The following KLF8 variants were observed in gnomAD, a reference collection of about 807,000 sequenced individuals.
KLF8 encodes the protein KLF transcription factor 8, also known as Krueppel-like factor 8.
KLF8 carries 10 observed loss-of-function variants against 18.2 expected under a neutral mutation model. The observed-to-expected ratio is 0.55, with a 90% CI of 0.34 to 0.93. The LOEUF (loss-of-function observed/expected upper bound fraction) is 0.93, where lower values mean the gene tolerates loss of function less well. KLF8 is among the 40% of genes least tolerant of loss of function. The probability of loss-of-function intolerance (pLI) is 0.02; values close to 1 mark genes in which losing one functional copy is unlikely to be tolerated. For synonymous variants in KLF8, 109 were observed against 97.3 expected, an observed-to-expected ratio of 1.12 and a Z score of -0.71; for missense variants, 264 against 277.9, an observed-to-expected ratio of 0.95 and a Z score of 0.36.
chrX:55,909,709 G>T, the KLF8 span, among the ~76,000 whole-genome samples: 3 of 112,536 alleles, frequency 2.7e-5, no homozygotes, highest in Non-Finnish European at 3.8e-5. Context: ...AAGTGACTGG[G>T]AATTCCAGCT....
chrX:56,175,629 C>G, the KLF8 span, among the ~76,000 whole-genome samples: 1 of 111,379 alleles, frequency 9.0e-6, no homozygotes, highest in Non-Finnish European at 1.9e-5. Flanking sequence ...TGGTGCAGAG[C>G]AGAGTTCAAT....
At chrX:56,105,530 C>A in the KLF8 span, among the ~76,000 whole-genome samples, 1 of 109,401 alleles carries the variant, frequency 9.1e-6, no homozygotes, top group Non-Finnish European at 1.9e-5. Context: ...AACTGCAACC[C>A]CTGCTTTTTT....
chrX:55,978,559 A>G, the KLF8 span, among the ~76,000 whole-genome samples: 4 of 111,886 alleles, frequency 3.6e-5, no homozygotes, highest in African/African-American at 9.7e-5. Flanking sequence ...GTTTTGGTGA[A>G]AGTAGCCACA....
At chrX:56,145,547 A>G in the KLF8 span, among the ~76,000 whole-genome samples, 3 of 112,614 alleles carry the variant, frequency 2.7e-5, no homozygotes, top group Admixed American at 9.4e-5. Context: ...AAGTAGAACC[A>G]ACACAAATAT....
At chrX:56,173,664 C>A in the KLF8 span, among the ~76,000 whole-genome samples, 6 of 111,791 alleles carry the variant, frequency 5.4e-5, no homozygotes, top group Non-Finnish European at 7.5e-5. Flanking sequence ...ATGGGGATAG[C>A]ATTGAATCTA....
At chrX:56,217,801 G>A in the KLF8 span, among the ~76,000 whole-genome samples, 1 of 111,470 alleles carries the variant, frequency 9.0e-6, no homozygotes. Flanking sequence ...CAGGCAGAAC[G>A]CTGAAATGGA....
At chrX:56,171,237 A>C in the KLF8 span, among the ~76,000 whole-genome samples, 1 of 112,185 alleles carries the variant, frequency 8.9e-6, no homozygotes, top group East Asian at 2.8e-4. Context: ...ACAGTACAAA[A>C]AGATATAAAT....
chrX:56,187,977 C>A, the KLF8 span, among the ~76,000 whole-genome samples: 1 of 111,527 alleles, frequency 9.0e-6, no homozygotes, highest in Non-Finnish European at 1.9e-5. Context: ...ACAGTGATGC[C>A]CTCTCTCACC....
the KLF8 span, chrX:55,961,752 C>T: frequency 8.8e-6 from 3 of 339,543 alleles, no homozygotes; most frequent in Admixed American, 4.1e-5. Flanking sequence ...GACCCCAAGA[C>T]TTGGTGTTTG....
At chrX:56,158,872 A>T in the KLF8 span, among the ~76,000 whole-genome samples, 1 of 111,218 alleles carries the variant, frequency 9.0e-6, no homozygotes, top group Non-Finnish European at 1.9e-5. Flanking sequence ...ATTGAATACC[A>T]TTTATTTCCT....
intron 5 of KLF8, among the ~76,000 whole-genome samples, chrX:56,271,134 T>C (rs1211548173): frequency 1.8e-5 from 2 of 112,234 alleles, no homozygotes; most frequent in Non-Finnish European, 3.8e-5. Flanking sequence ...GTATAGATTA[T>C]ATGCAAATGC....
the KLF8 span, among the ~76,000 whole-genome samples, chrX:55,986,941 C>G: frequency 9.0e-6 from 1 of 111,679 alleles, no homozygotes; most frequent in Non-Finnish European, 1.9e-5. Flanking sequence ...CAAGTTTCTG[C>G]AAGGGGCATG....
At chrX:56,099,040 G>C in the KLF8 span, among the ~76,000 whole-genome samples, 1 of 111,549 alleles carries the variant, frequency 9.0e-6, no homozygotes, top group African/African-American at 3.3e-5. Context: ...TCACTTTATT[G>C]TGCTTCACTC....
chrX:55,974,727 T>G, the KLF8 span, among the ~76,000 whole-genome samples: 1 of 112,628 alleles, frequency 8.9e-6, no homozygotes, highest in Admixed American at 9.4e-5. Context: ...CATACTTGGC[T>G]TCTGCCTTTA....
chrX:56,254,093 G>A (rs906564997), intron 2 of KLF8, among the ~76,000 whole-genome samples: 1 of 111,112 alleles, frequency 9.0e-6, no homozygotes, highest in African/African-American at 3.3e-5. Flanking sequence ...TGAGATTACA[G>A]ACATGAGCCA....
At chrX:56,061,996 TTTTTTTTTTC>T in the KLF8 span, among the ~76,000 whole-genome samples, 6 of 101,041 alleles carry the variant, frequency 5.9e-5, no homozygotes, top group African/African-American at 2.5e-4. Flanking sequence ...CTTTTTTTTT[TTTTTTTTTTC>T]TTTTTGGCTT....
the KLF8 span, among the ~76,000 whole-genome samples, chrX:56,077,432 G>T: frequency 4.5e-5 from 5 of 111,674 alleles, no homozygotes; most frequent in Non-Finnish European, 9.4e-5. Flanking sequence ...TCTCACGTTT[G>T]TCAAAGATCA....
the KLF8 span, among the ~76,000 whole-genome samples, chrX:56,181,675 C>T: frequency 1.9e-4 from 21 of 111,213 alleles, no homozygotes; most frequent in East Asian, 5.6e-4. Context: ...CAAAATCTTT[C>T]GGCATTTGCG....
At chrX:56,065,427 A>C in the KLF8 span, among the ~76,000 whole-genome samples, 1 of 111,690 alleles carries the variant, frequency 9.0e-6, no homozygotes, top group African/African-American at 3.2e-5. Context: ...TTTTTTTATG[A>C]TATCTATTTT....
Sources: gnomAD v4.1 joint callset for allele counts (sites outside exome capture counted in the v4.1 genomes callset) on GRCh38, gnomAD v4.1.1 for gene constraint, MANE v1.5 for transcripts, NCBI Gene and HGNC (gene_info 2026-07-23, HGNC 2026-07-21) for gene names.